Variants in CADM1 observed in about 807,000 individuals in gnomAD.
The protein encoded by CADM1 is cell adhesion molecule 1.
CADM1 carries 15 observed loss-of-function variants against 53.1 expected under a neutral mutation model. The ratio of observed to expected loss-of-function variants is 0.28; its 90% CI spans 0.19 to 0.44. The LOEUF is 0.44. Ranked by LOEUF, CADM1 falls within the 20% of genes least tolerant of loss-of-function variation. CADM1 has a pLI of 1.00. For synonymous variants in CADM1, 281 were observed against 243.0 expected, an observed-to-expected ratio of 1.16 and a Z score of -1.45; for missense variants, 434 against 611.3, an observed-to-expected ratio of 0.71 and a Z score of 3.06.
At chr11:115,305,235 G>C (rs1944333401) in intron 1 of CADM1, among the ~76,000 whole-genome samples, 7 of 152,066 alleles carry the variant, frequency 4.6e-5, no homozygotes, top group African/African-American at 1.7e-4. Context: ...AGCCTCACCT[G>C]CCATGCAACA....
At position 115,176,538 on chromosome 11, in the gene CADM1, G is replaced by A. The variant is rs528905027; in HGVS notation, c.1352C>T (p.Thr451Ile). 6.2e-7 allele frequency: 1 copy of A among 1,614,100 alleles called. No homozygotes were observed. Among genetic ancestry groups the A allele is most frequent in the African/African-American group, 1.3e-5 (1 of 75,016 alleles). ...KGADDAADAD[T>I]AIINAEGGQN... ...TCCTCCTTCTGCATTGATTATAGCT[G>A]TGTCTGCGTCTGCTGCGTCATCGGC... Residue 451 changes from threonine to isoleucine, a missense_variant, in exon 12 of 12, where the codon ACA (threonine) becomes ATA (isoleucine). Around this residue, in one of 4 missense-constraint regions of CADM1, gnomAD observed 16 missense variants for 41.8 expected, o/e 0.38. Transcript: ENST00000331581.
chr11:115,179,309 G>A (rs887980206), intron 10 of CADM1, among the ~76,000 whole-genome samples: 3 of 152,208 alleles, frequency 2.0e-5, no homozygotes, highest in Non-Finnish European at 4.4e-5. Context: ...CAAATGACAG[G>A]CTTGCTACAT....
At chr11:115,204,879 A>G (rs753713231) in intron 8 of CADM1, among the ~76,000 whole-genome samples, 3 of 152,196 alleles carry the variant, frequency 2.0e-5, no homozygotes, top group Non-Finnish European at 4.4e-5. Context: ...ATTTGCTACA[A>G]GCTATATTGG....
At chr11:115,448,479 T>C (rs1049254093) in intron 1 of CADM1, among the ~76,000 whole-genome samples, 1 of 152,188 alleles carries the variant, frequency 6.6e-6, no homozygotes, top group African/African-American at 2.4e-5. Context: ...GCCTGCTTTT[T>C]CTTGCCAAGG....
chr11:115,174,588 A>G lies in CADM1; in HGVS notation c.*1886T>C. The stretch of plus-strand genomic sequence containing the variant: ...TGCAATGGTTCTATCAAAGGTTAAA[A>G]TAAAGACAAGAAAAATAAACATGTT... On this transcript the variant is annotated 3_prime_UTR_variant, in exon 12 of 12. Coordinates refer to ENST00000331581, the MANE Select transcript of CADM1 (RefSeq NM_001301043.2). 1 of 985,080 alleles carries G rather than the reference A, an allele frequency of 1.0e-6. No homozygotes were observed. Among genetic ancestry groups the G allele is most frequent in the South Asian group, 4.7e-5 (1 of 21,264 alleles). The allele number at this position is 985,080 out of a possible 1,614,324, so 61.0% of individuals were successfully genotyped here.
At chr11:115,344,532 T>C (rs1218456132) in intron 1 of CADM1, among the ~76,000 whole-genome samples, 2 of 152,092 alleles carry the variant, frequency 1.3e-5, no homozygotes, top group Non-Finnish European at 2.9e-5. Flanking sequence ...CCACTAACTG[T>C]TCATAGAACT....
chr11:115,338,518 CT>C (rs1041574248), intron 1 of CADM1, among the ~76,000 whole-genome samples: 2 of 152,114 alleles, frequency 1.3e-5, no homozygotes, highest in African/African-American at 4.8e-5. Flanking sequence ...AATTTACTGT[CT>C]TTTAAAAATA....
intron 1 of CADM1, among the ~76,000 whole-genome samples, chr11:115,303,607 T>C (rs1044145957): frequency 1.3e-5 from 2 of 152,086 alleles, no homozygotes; most frequent in East Asian, 1.9e-4. Context: ...CTGTAAAAGA[T>C]AAAGCAAGAA....
intron 1 of CADM1, among the ~76,000 whole-genome samples, chr11:115,450,076 C>T (rs748043474): frequency 1.4e-4 from 21 of 152,188 alleles, no homozygotes; most frequent in Admixed American, 6.5e-4. Flanking sequence ...TGCTTTCACC[C>T]CTCCCTATGT....
intron 1 of CADM1, among the ~76,000 whole-genome samples, chr11:115,249,429 A>G (rs1455580343): frequency 6.6e-6 from 1 of 152,242 alleles, no homozygotes; most frequent in African/African-American, 2.4e-5. Flanking sequence ...CCCTCACTTC[A>G]TCCGGTGTTG....
intron 1 of CADM1, among the ~76,000 whole-genome samples, chr11:115,404,656 G>T (rs1199276161): frequency 6.7e-6 from 1 of 149,156 alleles, no homozygotes; most frequent in Non-Finnish European, 1.5e-5. Context: ...CATATAACCC[G>T]CAAGGATTAG....
At chr11:115,494,621 C>T (rs370908089) in intron 1 of CADM1, among the ~76,000 whole-genome samples, 1 of 152,088 alleles carries the variant, frequency 6.6e-6, no homozygotes, top group Non-Finnish European at 1.5e-5. Flanking sequence ...TGACTGAGTA[C>T]ATCCTGAATT....
chr11:115,355,131 A>T (rs1945830920), intron 1 of CADM1, among the ~76,000 whole-genome samples: 1 of 152,226 alleles, frequency 6.6e-6, no homozygotes, highest in Non-Finnish European at 1.5e-5. Flanking sequence ...AAGTCATCTC[A>T]AGAGAAATCA....
At chr11:115,300,088 G>A (rs888242466) in intron 1 of CADM1, among the ~76,000 whole-genome samples, 6 of 151,852 alleles carry the variant, frequency 4.0e-5, no homozygotes, top group Non-Finnish European at 7.4e-5. Flanking sequence ...ACTTTTTTTG[G>A]TTGATCCAGC....
chr11:115,376,100 T>C (rs1946430954), intron 1 of CADM1, among the ~76,000 whole-genome samples: 1 of 152,176 alleles, frequency 6.6e-6, no homozygotes, highest in Non-Finnish European at 1.5e-5. Context: ...TCACTAATAA[T>C]ATCTTTGGTG....
intron 1 of CADM1, among the ~76,000 whole-genome samples, chr11:115,454,798 G>C (rs537374909): frequency 3.9e-5 from 6 of 152,172 alleles, no homozygotes; most frequent in Admixed American, 2.0e-4. Flanking sequence ...TTTGGTCAAA[G>C]ATCAATTCTT....
chr11:115,273,092 G>A (rs957713651), intron 1 of CADM1, among the ~76,000 whole-genome samples: 1 of 152,052 alleles, frequency 6.6e-6, no homozygotes, highest in Non-Finnish European at 1.5e-5. Flanking sequence ...CTACTTAGTC[G>A]TCACACATGA....
intron 1 of CADM1, among the ~76,000 whole-genome samples, chr11:115,482,296 C>T (rs997720080): frequency 6.6e-6 from 1 of 152,152 alleles, no homozygotes; most frequent in Non-Finnish European, 1.5e-5. Context: ...TATTATGGTT[C>T]TTGGCACATG....
chr11:115,477,565 A>G (rs1002733700), intron 1 of CADM1, among the ~76,000 whole-genome samples: 6 of 152,238 alleles, frequency 3.9e-5, no homozygotes, highest in Non-Finnish European at 7.3e-5. Flanking sequence ...CTCCTAACAG[A>G]TATCATCACT....
Sources: allele counts gnomAD v4.1 joint callset (sites outside exome capture counted in the v4.1 genomes callset), GRCh38; gene constraint gnomAD v4.1.1; regional missense constraint gnomAD v4.1.1; transcripts MANE v1.5; gene names NCBI Gene and HGNC (gene_info 2026-07-23, HGNC 2026-07-21).